Variants in TSPAN7 observed in about 807,000 individuals in gnomAD.
The protein encoded by TSPAN7 is tetraspanin-7.
Under a neutral mutation model 17.6 loss-of-function variants are expected in TSPAN7, and 1 was observed. That is an observed-to-expected ratio of 0.06 (90% CI 0.02 to 0.27). TSPAN7 has a LOEUF of 0.27. Among genes scored for constraint, TSPAN7 ranks in the 10% least tolerant of loss-of-function variants. The pLI is 1.00. For missense variants in TSPAN7, 112 were observed against 201.7 expected (o/e 0.56, Z 2.69); for synonymous variants, 78 against 79.0 (o/e 0.99, Z 0.07).
At chrX:38,681,938 C>A (rs761409348) in intron 6 of TSPAN7, among the ~76,000 whole-genome samples, 4 of 111,843 alleles carry the variant, frequency 3.6e-5, no homozygotes, top group South Asian at 3.7e-4. Context: ...TAAGATTAAG[C>A]TAAATCTAAA....
intron 6 of TSPAN7, among the ~76,000 whole-genome samples, chrX:38,686,919 G>A (rs2069930461): frequency 9.0e-6 from 1 of 111,262 alleles, no homozygotes. Context: ...TAAAAAAACT[G>A]GGAGGTGGGC....
intron 1 of TSPAN7, among the ~76,000 whole-genome samples, chrX:38,590,109 AT>A (rs1047714739): frequency 1.3e-4 from 15 of 111,391 alleles, no homozygotes; most frequent in African/African-American, 3.9e-4. Flanking sequence ...TTTGCTAAAA[AT>A]TTTTTTTGTG....
chrX:38,569,268 T>C (rs753264850), intron 1 of TSPAN7, among the ~76,000 whole-genome samples: 1 of 111,178 alleles, frequency 9.0e-6, no homozygotes, highest in East Asian at 2.8e-4. Context: ...TCATCAGATA[T>C]CCTACAGAAG....
At chrX:38,657,106 TA>T (rs1264918651) in intron 1 of TSPAN7, among the ~76,000 whole-genome samples, 2 of 111,634 alleles carry the variant, frequency 1.8e-5, no homozygotes, top group Non-Finnish European at 3.8e-5. Context: ...ACCAATTCAA[TA>T]GGGCTGACCA....
At chrX:38,605,370 T>C (rs1420320922) in intron 1 of TSPAN7, among the ~76,000 whole-genome samples, 1 of 110,424 alleles carries the variant, frequency 9.1e-6, no homozygotes, top group Non-Finnish European at 1.9e-5. Flanking sequence ...GAAGGACCTC[T>C]TCAAGGAGAA....
At chrX:38,606,105 AC>A (rs2069380710) in intron 1 of TSPAN7, among the ~76,000 whole-genome samples, 1 of 108,589 alleles carries the variant, frequency 9.2e-6, no homozygotes, top group South Asian at 4.1e-4. Context: ...AAAAGAAACT[AC>A]CATCAGAGTG....
chrX:38,615,376 G>T (rs1299123076), intron 1 of TSPAN7, among the ~76,000 whole-genome samples: 1 of 111,530 alleles, frequency 9.0e-6, no homozygotes, highest in African/African-American at 3.3e-5. Context: ...ACCTGCCTCT[G>T]CCTATGAAAC....
At chrX:38,644,817 A>G (rs889072373) in intron 1 of TSPAN7, among the ~76,000 whole-genome samples, 2 of 112,459 alleles carry the variant, frequency 1.8e-5, no homozygotes, top group Non-Finnish European at 3.8e-5. Context: ...TATAAATATC[A>G]ATTTGTTTAA....
chrX:38,646,042 C>A (rs2069643792), intron 1 of TSPAN7, among the ~76,000 whole-genome samples: 2 of 111,104 alleles, frequency 1.8e-5, no homozygotes, highest in Non-Finnish European at 3.8e-5. Flanking sequence ...TACTTCTTGT[C>A]AATTACCTGG....
At position 38,666,210 on chromosome X, in the gene TSPAN7, T is replaced by C. The variant is rs749204088; in HGVS notation, c.171T>C (p.Asn57=). The change falls in exon 2 of 8, where the codon AAT becomes AAC. Residue 57 remains asparagine, a synonymous_variant. Transcript: ENST00000378482. Reference sequence around the variant, plus strand: ...CCCTTATTGCCGAGAACTCCACAAATGCTCCCTATGTGCTCATCGGAACTG... The same window carrying C: ...CCCTTATTGCCGAGAACTCCACAAACGCTCCCTATGTGCTCATCGGAACTG... ...YISLIAENST[N]APYVLIGTGT... 8 of 1,209,458 alleles carry C rather than the reference T, an allele frequency of 6.6e-6. No individual in the cohort carries two copies. In the Admixed American group the frequency reaches 1.8e-4, roughly 26 times the overall value.
chrX:38,589,835 A>G (rs1463683031), intron 1 of TSPAN7, among the ~76,000 whole-genome samples: 1 of 111,782 alleles, frequency 8.9e-6, no homozygotes, highest in African/African-American at 3.2e-5. Flanking sequence ...CCCTTAATTT[A>G]TGAGGTAGAC....
chrX:38,644,428 T>C (rs2069633596), intron 1 of TSPAN7, among the ~76,000 whole-genome samples: 1 of 112,386 alleles, frequency 8.9e-6, no homozygotes, highest in Admixed American at 9.4e-5. Context: ...TTTCGATTTA[T>C]ATCTTTTGCA....
chrX:38,658,347 AT>A (rs369416380), intron 1 of TSPAN7, among the ~76,000 whole-genome samples: 6,514 of 99,123 alleles, frequency 0.066, 528 homozygotes, highest in African/African-American at 0.22. Context: ...CACCTGGCTA[AT>A]TTTTTTTTTT....
In TSPAN7 at chrX:38,565,463, C is replaced by T. The variant is rs368127971; in HGVS notation, c.81+3836C>T. 8.9e-5 allele frequency among the ~76,000 whole-genome samples: 10 copies of T among 112,075 alleles called. No individual in the cohort carries two copies. In the East Asian group the frequency reaches 2.5e-3, roughly 28 times the overall value. ...CAGGATGGTCTCGATCCCTTGACCT[C>T]GTGATCTGCCCGCCTCAGCCTCCCA... On this transcript the variant is annotated intron_variant, in intron 1 of 7. Coordinates refer to ENST00000378482, the MANE Select transcript of TSPAN7 (RefSeq NM_004615.4).
At chrX:38,574,388 A>G (rs1182202324) in intron 1 of TSPAN7, among the ~76,000 whole-genome samples, 1 of 112,329 alleles carries the variant, frequency 8.9e-6, no homozygotes, top group Non-Finnish European at 1.9e-5. Context: ...GGATGGATGT[A>G]AGAGAAATAT....
chrX:38,661,848 C>T (rs1253860280), intron 1 of TSPAN7, among the ~76,000 whole-genome samples: 2 of 110,626 alleles, frequency 1.8e-5, no homozygotes, highest in Non-Finnish European at 3.8e-5. Flanking sequence ...AAAAAAAGTC[C>T]CTTGCTTTTC....
chrX:38,648,909 C>T (rs1215565264), intron 1 of TSPAN7, among the ~76,000 whole-genome samples: 10 of 101,693 alleles, frequency 9.8e-5, no homozygotes, highest in African/African-American at 2.6e-4. Context: ...AAGAGCAAAA[C>T]TCTGTCTCAA....
At chrX:38,680,542 TC>T (rs1333657911) in intron 5 of TSPAN7, among the ~76,000 whole-genome samples, 20 of 25,827 alleles carry the variant, frequency 7.7e-4, no homozygotes, top group African/African-American at 2.6e-3. Context: ...TTACAAATTC[TC>T]TCTCTCTCTC....
intron 1 of TSPAN7, among the ~76,000 whole-genome samples, chrX:38,633,229 T>G (rs1000440974): frequency 4.5e-5 from 5 of 112,331 alleles, no homozygotes; most frequent in Non-Finnish European, 7.5e-5. Context: ...GAGAGAAGAT[T>G]TATTTTAGTT....
Sources: gnomAD v4.1 joint callset for allele counts (sites outside exome capture counted in the v4.1 genomes callset) on GRCh38, gnomAD v4.1.1 for gene constraint, MANE v1.5 for transcripts, NCBI Gene and HGNC (gene_info 2026-07-23, HGNC 2026-07-21) for gene names.